Variants in RBM6 observed in about 807,000 individuals in gnomAD.
The protein encoded by RBM6 is RNA-binding protein 6.
RBM6 carries 23 observed loss-of-function variants against 140.4 expected under a neutral mutation model. That is an observed-to-expected ratio of 0.16 (90% CI 0.12 to 0.23). RBM6 has a LOEUF of 0.23. RBM6 is among the 10% of genes least tolerant of loss of function. The pLI, the probability that RBM6 is intolerant of heterozygous loss-of-function variation, is 1.00. For synonymous variants in RBM6, 439 were observed against 475.6 expected, an observed-to-expected ratio of 0.92 and a Z score of 1.00; for missense variants, 1,139 against 1,386.7, an observed-to-expected ratio of 0.82 and a Z score of 2.84.
intron 17 of RBM6, among the ~76,000 whole-genome samples, chr3:50,068,033 AAT>A (rs2108941490): frequency 6.6e-6 from 1 of 152,316 alleles, no homozygotes; most frequent in East Asian, 1.9e-4. Flanking sequence ...ATCTGATGTA[AAT>A]ACTAATAAAT....
chr3:50,039,586 T>C (rs1456784391), intron 6 of RBM6, among the ~76,000 whole-genome samples: 1 of 151,090 alleles, frequency 6.6e-6, no homozygotes, highest in Non-Finnish European at 1.5e-5. Context: ...AAATTTTGAC[T>C]AAGGTTTTTA....
chr3:50,043,237 A>G (rs1227870509), intron 6 of RBM6, among the ~76,000 whole-genome samples: 1 of 152,134 alleles, frequency 6.6e-6, no homozygotes, highest in Non-Finnish European at 1.5e-5. Flanking sequence ...TAATCCCAGC[A>G]CTTCGGGAGG....
chr3:50,036,621 A>G (rs1008629753), intron 6 of RBM6, among the ~76,000 whole-genome samples: 2 of 152,228 alleles, frequency 1.3e-5, no homozygotes, highest in Non-Finnish European at 2.9e-5. Context: ...TAATTTAACC[A>G]TAGCATGTCT....
intron 14 of RBM6, 48 bp downstream of exon 14, chr3:50,061,595 A>G (rs767499068): frequency 1.1e-5 from 15 of 1,383,892 alleles, no homozygotes; most frequent in African/African-American, 3.6e-5. Flanking sequence ...ACCTCTGTCA[A>G]TGATTCTTTT....
At chr3:50,057,139 T>C (rs1376374209) in intron 8 of RBM6, among the ~76,000 whole-genome samples, 1 of 152,206 alleles carries the variant, frequency 6.6e-6, no homozygotes, top group Non-Finnish European at 1.5e-5. Context: ...TTTAAATGTT[T>C]AGTAGGTGAT....
At chr3:49,948,917 GCCT>G (rs1247119411) in intron 1 of RBM6, among the ~76,000 whole-genome samples, 1 of 141,024 alleles carries the variant, frequency 7.1e-6, no homozygotes, top group East Asian at 2.2e-4. Flanking sequence ...TGCAACCTCT[GCCT>G]CCTGGGTTCA....
chr3:50,007,194 T>G (rs1184448290), intron 6 of RBM6, among the ~76,000 whole-genome samples: 1 of 151,462 alleles, frequency 6.6e-6, no homozygotes, highest in Admixed American at 6.6e-5. Flanking sequence ...TTGGAGTTTT[T>G]TTTTTTTTTT....
At chr3:50,011,184 C>A (rs1423544107) in intron 6 of RBM6, among the ~76,000 whole-genome samples, 1 of 151,632 alleles carries the variant, frequency 6.6e-6, no homozygotes, top group Non-Finnish European at 1.5e-5. Context: ...TAGATCACTG[C>A]ACTCTAGCCT....
At chr3:49,996,218 G>A (rs1224562792) in intron 5 of RBM6, among the ~76,000 whole-genome samples, 1 of 152,198 alleles carries the variant, frequency 6.6e-6, no homozygotes, top group African/African-American at 2.4e-5. Flanking sequence ...TTAAATGCAA[G>A]CCAACCTCTT....
rs758272044 is a variant in RBM6, at chr3:50,061,122, C to G, written c.2272-18C>G. The stretch of plus-strand genomic sequence containing the variant: ...CCATTGGATAGTTCTGTAATTTTAA[C>G]TTGCCTTTCTGTGATAGGGTAAAAA... On this transcript the variant is annotated intron_variant, in intron 12 of 20. Transcript: ENST00000266022. 8.7e-6 allele frequency: 14 copies of G among 1,614,056 alleles called. No homozygotes were observed. In the Middle Eastern group the frequency reaches 6.6e-4, roughly 76 times the overall value.
chr3:49,964,817 G>A (rs577694433), intron 2 of RBM6, among the ~76,000 whole-genome samples: 1 of 152,216 alleles, frequency 6.6e-6, no homozygotes, highest in African/African-American at 2.4e-5. Context: ...TAGCTTTATT[G>A]TCTAACTTTT....
At chr3:50,060,485 C>T (rs1270134678) in intron 11 of RBM6, among the ~76,000 whole-genome samples, 2 of 151,874 alleles carry the variant, frequency 1.3e-5, no homozygotes, top group Non-Finnish European at 2.9e-5. Context: ...TGGTGGCTCA[C>T]GCCTGTAATC....
chr3:49,951,625 C>T (rs1478302508), intron 1 of RBM6, among the ~76,000 whole-genome samples: 4 of 151,884 alleles, frequency 2.6e-5, no homozygotes, highest in Non-Finnish European at 4.4e-5. Context: ...GGCTGGAGTG[C>T]AGTGGCACGA....
intron 17 of RBM6, among the ~76,000 whole-genome samples, chr3:50,067,938 C>T (rs1348042816): frequency 2.0e-5 from 3 of 152,138 alleles, no homozygotes; most frequent in African/African-American, 4.8e-5. Flanking sequence ...CTGAAAAGCT[C>T]CTGATAATCC....
At chr3:50,060,521 G>A (rs2089893406) in intron 11 of RBM6, among the ~76,000 whole-genome samples, 1 of 151,846 alleles carries the variant, frequency 6.6e-6, no homozygotes, top group South Asian at 2.1e-4. Flanking sequence ...GCCGAGGCGG[G>A]CAGATCATGA....
intron 6 of RBM6, among the ~76,000 whole-genome samples, chr3:50,029,687 C>T (rs1367551453): frequency 2.0e-5 from 3 of 151,984 alleles, no homozygotes; most frequent in African/African-American, 4.8e-5. Context: ...GAGCCGAGAT[C>T]GTGCCACTGC....
chr3:50,048,703 GA>G (rs1423138572), intron 7 of RBM6, among the ~76,000 whole-genome samples: 21 of 152,114 alleles, frequency 1.4e-4, no homozygotes, highest in Non-Finnish European at 1.2e-4. Context: ...ACATTTTTTG[GA>G]TATTCTTGGG....
At chr3:50,014,822 G>A (rs138718646) in intron 6 of RBM6, among the ~76,000 whole-genome samples, 1 of 152,222 alleles carries the variant, frequency 6.6e-6, no homozygotes, top group African/African-American at 2.4e-5. Context: ...ACACAGTTAA[G>A]TGCTGAGCAC....
rs1453920214 is a variant in RBM6, at chr3:50,060,980, C to T, written c.2253C>T (p.Asp751=). 1.9e-6 allele frequency: 3 copies of T among 1,587,496 alleles called. No homozygotes were observed. The highest frequency in any genetic ancestry group is 2.6e-6 in the Non-Finnish European group (3 of 1,168,368). Residue 751 remains aspartate (D), a synonymous_variant, in exon 12 of 21, where the codon GAC becomes GAT. Coordinates refer to ENST00000266022, the MANE Select transcript of RBM6 (RefSeq NM_005777.3). ...GAAATGATTCTGGGGACCATTCTGA[C>T]CACATGCATTACTATCAGGTAGGCT... is the stretch of plus-strand genomic sequence containing the variant. The part of the protein sequence containing the change: ...KRRNDSGDHS[D]HMHYYQGKKY...
Sources: allele counts gnomAD v4.1 joint callset (sites outside exome capture counted in the v4.1 genomes callset), GRCh38; gene constraint gnomAD v4.1.1; transcripts MANE v1.5; gene names NCBI Gene and HGNC (gene_info 2026-07-23, HGNC 2026-07-21).